The following LY96 variants were observed in gnomAD, a reference collection of about 807,000 sequenced individuals.
LY96 encodes myeloid differentiation protein-2.
A neutral mutation model predicts 18.9 loss-of-function variants in LY96; 18 were observed. The ratio of observed to expected loss-of-function variants is 0.95; its 90% CI spans 0.66 to 1.41. The LOEUF is 1.41. Ranked by LOEUF, LY96 falls within the 40% of genes most tolerant of loss-of-function variation. LY96 has a pLI of 0.00. For synonymous variants in LY96, 66 were observed against 62.6 expected, an observed-to-expected ratio of 1.06 and a Z score of -0.26; for missense variants, 175 against 182.4, an observed-to-expected ratio of 0.96 and a Z score of 0.23.
chr8:74,077,162 AC>A, the LY96 span, among the ~76,000 whole-genome samples: 3 of 152,070 alleles, frequency 2.0e-5, no homozygotes, highest in Non-Finnish European at 4.4e-5. Context: ...TGGGCACACC[AC>A]CCTCCCAGCA....
intron 3 of LY96, among the ~76,000 whole-genome samples, chr8:74,020,429 C>T (rs1215046455): frequency 6.6e-6 from 1 of 152,156 alleles, no homozygotes; most frequent in Non-Finnish European, 1.5e-5. Flanking sequence ...AGGACACAAA[C>T]AAATGGAAGA....
intron 1 of LY96, among the ~76,000 whole-genome samples, chr8:73,994,036 G>A (rs1816069675): frequency 6.6e-6 from 1 of 151,954 alleles, no homozygotes; most frequent in Non-Finnish European, 1.5e-5. Context: ...CTAGGCTGGA[G>A]TGCAGTAGTA....
intron 3 of LY96, among the ~76,000 whole-genome samples, chr8:74,015,316 AG>A (rs1816619506): frequency 6.6e-6 from 1 of 152,222 alleles, no homozygotes; most frequent in Admixed American, 6.5e-5. Flanking sequence ...ATCATGTAAC[AG>A]CTCTGGAGTC....
the LY96 span, among the ~76,000 whole-genome samples, chr8:74,081,297 C>T: frequency 6.7e-6 from 1 of 149,222 alleles, no homozygotes; most frequent in Non-Finnish European, 1.5e-5. Flanking sequence ...GATTTGTTGC[C>T]CAGGCTTAAG....
At chr8:74,070,887 A>G in the LY96 span, among the ~76,000 whole-genome samples, 3 of 152,144 alleles carry the variant, frequency 2.0e-5, no homozygotes, top group African/African-American at 7.2e-5. Context: ...TTGTTTTTTT[A>G]AGCAGAAATG....
intron 3 of LY96, among the ~76,000 whole-genome samples, chr8:74,019,431 G>C (rs1056712389): frequency 6.6e-6 from 1 of 152,152 alleles, no homozygotes; most frequent in Admixed American, 6.5e-5. Context: ...ATAATTAATA[G>C]CCTACCAACC....
chr8:74,023,795 T>C (rs1408696346), intron 3 of LY96, among the ~76,000 whole-genome samples: 1 of 152,192 alleles, frequency 6.6e-6, no homozygotes, highest in Non-Finnish European at 1.5e-5. Flanking sequence ...TTAAATGCTT[T>C]AATATTTGCA....
chr8:74,074,633 C>T, the LY96 span, among the ~76,000 whole-genome samples: 2 of 152,160 alleles, frequency 1.3e-5, no homozygotes, highest in African/African-American at 4.8e-5. Flanking sequence ...TAGCTATAAA[C>T]TTCCCTCTTA....
chr8:74,095,423 A>T, the LY96 span, among the ~76,000 whole-genome samples: 2 of 152,150 alleles, frequency 1.3e-5, no homozygotes, highest in Non-Finnish European at 2.9e-5. Flanking sequence ...TATAGGTTTA[A>T]TGCCAGCCAC....
the LY96 span, among the ~76,000 whole-genome samples, chr8:74,057,888 C>A: frequency 1.3e-5 from 2 of 152,028 alleles, no homozygotes; most frequent in African/African-American, 2.4e-5. Flanking sequence ...TATAAAAATG[C>A]GGAATAGAAG....
chr8:74,085,189 T>A, the LY96 span, among the ~76,000 whole-genome samples: 1 of 152,362 alleles, frequency 6.6e-6, no homozygotes, highest in South Asian at 2.1e-4. Flanking sequence ...AGTAAGATAG[T>A]CTATGTTATT....
chr8:74,007,627 A>G (rs1031673056), intron 2 of LY96, among the ~76,000 whole-genome samples: 1 of 152,216 alleles, frequency 6.6e-6, no homozygotes, highest in Admixed American at 6.5e-5. Context: ...CTAGTAAATT[A>G]TTTGTATATT....
chr8:74,060,114 T>C, the LY96 span, among the ~76,000 whole-genome samples: 1 of 152,162 alleles, frequency 6.6e-6, no homozygotes, highest in Non-Finnish European at 1.5e-5. Flanking sequence ...GCCACTGCAC[T>C]CTACCCTGGG....
the LY96 span, among the ~76,000 whole-genome samples, chr8:74,049,207 T>G: frequency 6.6e-6 from 1 of 152,186 alleles, no homozygotes; most frequent in Admixed American, 6.5e-5. Flanking sequence ...TGGTACACAG[T>G]AGGATCTTAA....
chr8:74,052,075 G>T, the LY96 span, among the ~76,000 whole-genome samples: 2 of 152,122 alleles, frequency 1.3e-5, no homozygotes, highest in Non-Finnish European at 2.9e-5. Context: ...AAAAATAAAA[G>T]AAAAAGAAAA....
chr8:74,033,813 G>A (rs1817007626), downstream of LY96, among the ~76,000 whole-genome samples: 1 of 151,974 alleles, frequency 6.6e-6, no homozygotes, highest in Non-Finnish European at 1.5e-5. Flanking sequence ...TTCAGAAACT[G>A]TTCATGGGTA....
chr8:74,050,060 T>A, the LY96 span, among the ~76,000 whole-genome samples: 1 of 152,110 alleles, frequency 6.6e-6, no homozygotes, highest in Non-Finnish European at 1.5e-5. Context: ...AAATAAAGTA[T>A]GACCGGGCAT....
chr8:74,072,446 AT>A, the LY96 span, among the ~76,000 whole-genome samples: 1 of 152,180 alleles, frequency 6.6e-6, no homozygotes, highest in Non-Finnish European at 1.5e-5. Flanking sequence ...ATAATCTAAC[AT>A]ATGGTTAAAA....
the LY96 span, among the ~76,000 whole-genome samples, chr8:74,042,892 T>A: frequency 1.1e-3 from 164 of 151,950 alleles, no homozygotes; most frequent in Admixed American, 2.6e-3. Flanking sequence ...TTCTCCTGCC[T>A]CAGCCTCCCG....
Sources: allele counts gnomAD v4.1 joint callset (sites outside exome capture counted in the v4.1 genomes callset), GRCh38; gene constraint gnomAD v4.1.1; transcripts MANE v1.5; gene names NCBI Gene and HGNC (gene_info 2026-07-23, HGNC 2026-07-21).